The following RCAN2 variants were observed in gnomAD, a reference collection of about 807,000 sequenced individuals.
RCAN2 encodes the protein calcipressin-2.
RCAN2 carries 9 observed loss-of-function variants against 23.6 expected under a neutral mutation model. The ratio of observed to expected loss-of-function variants is 0.38; its 90% confidence interval spans 0.23 to 0.67. RCAN2 has a LOEUF of 0.67. Among genes scored for constraint, RCAN2 ranks in the 30% least tolerant of loss-of-function variants. The probability of loss-of-function intolerance (pLI) is 0.51; values close to 1 mark genes in which losing one functional copy is unlikely to be tolerated. For synonymous variants in RCAN2, 109 were observed against 115.7 expected (o/e 0.94, Z 0.37); for missense variants, 273 against 302.3 (o/e 0.90, Z 0.72).
At chr6:46,339,394 T>C (rs1481178275) in intron 2 of RCAN2, among the ~76,000 whole-genome samples, 1 of 151,880 alleles carries the variant, frequency 6.6e-6, no homozygotes, top group East Asian at 1.9e-4. Flanking sequence ...GAGAGGTAAG[T>C]GGTTTTTTAG....
intron 4 of RCAN2, among the ~76,000 whole-genome samples, chr6:46,223,880 C>T (rs1765562359): frequency 6.6e-6 from 1 of 152,172 alleles, no homozygotes; most frequent in Admixed American, 6.5e-5. Flanking sequence ...TTGACTGGCT[C>T]ATATTACAGT....
intron 2 of RCAN2, among the ~76,000 whole-genome samples, chr6:46,370,797 C>A (rs1265700328): frequency 1.3e-5 from 2 of 152,220 alleles, no homozygotes; most frequent in Non-Finnish European, 2.9e-5. Flanking sequence ...GATGTCCTGA[C>A]CTTTCACCTT....
chr6:46,315,926 TTTGGAAGAGA>T (rs1763420769), intron 2 of RCAN2, among the ~76,000 whole-genome samples: 1 of 150,448 alleles, frequency 6.6e-6, no homozygotes. Flanking sequence ...AGAAAAGAGG[TTTGGAAGAGA>T]CAAGAAAAGA....
intron 2 of RCAN2, among the ~76,000 whole-genome samples, chr6:46,376,839 T>C (rs1254937831): frequency 6.6e-6 from 1 of 152,116 alleles, no homozygotes; most frequent in Admixed American, 6.5e-5. Context: ...GGCAAAGTTT[T>C]GTTTCAGTTT....
At chr6:46,399,687 T>A (rs936431626) in intron 2 of RCAN2, among the ~76,000 whole-genome samples, 2 of 151,964 alleles carry the variant, frequency 1.3e-5, no homozygotes, top group Admixed American at 6.5e-5. Flanking sequence ...GGCTTCTAGA[T>A]GAGTTACTCC....
intron 2 of RCAN2, among the ~76,000 whole-genome samples, chr6:46,405,090 G>A (rs1033848666): frequency 7.2e-5 from 11 of 152,220 alleles, no homozygotes; most frequent in Admixed American, 5.9e-4. Flanking sequence ...CTTCAAGAAT[G>A]AAGCCGCGGA....
intron 4 of RCAN2, among the ~76,000 whole-genome samples, chr6:46,234,562 A>G (rs1298768381): frequency 1.3e-5 from 2 of 152,204 alleles, no homozygotes; most frequent in African/African-American, 4.8e-5. Flanking sequence ...AGACAAGCAG[A>G]GGGTTGACCC....
At chr6:46,482,169 C>A (rs1366056897) in intron 1 of RCAN2, among the ~76,000 whole-genome samples, 1 of 151,872 alleles carries the variant, frequency 6.6e-6, no homozygotes, top group Admixed American at 6.6e-5. Flanking sequence ...GATAAAGAAC[C>A]AAGGTTAGAT....
In RCAN2 at chr6:46,487,000, A is replaced by G. The variant is rs114105947; in HGVS notation, c.-3+4173T>C. Among the ~76,000 whole-genome samples the G allele has an allele frequency of 4.1e-3, 627 of 152,334 alleles. 4 individuals are homozygous for G. Among genetic ancestry groups the G allele is most frequent in the African/African-American group, 0.014 (591 of 41,582 alleles). On this transcript the variant is annotated intron_variant, in intron 1 of 4. Coordinates refer to ENST00000371374, the MANE Select transcript of RCAN2 (RefSeq NM_001251974.2). ...ACAATATATGACACCTAGAGTTGGTAACAAGTGAAAAGACACAAGAACAGT... is the reference window on the plus strand; with the variant it reads ...ACAATATATGACACCTAGAGTTGGTGACAAGTGAAAAGACACAAGAACAGT...
chr6:46,317,656 G>C (rs959459902), intron 2 of RCAN2, among the ~76,000 whole-genome samples: 1 of 151,904 alleles, frequency 6.6e-6, no homozygotes, highest in South Asian at 2.1e-4. Context: ...TAGTAGAGAC[G>C]GGGTTTCACC....
chr6:46,336,141 C>G (rs1000491523), intron 2 of RCAN2, among the ~76,000 whole-genome samples: 2 of 152,190 alleles, frequency 1.3e-5, no homozygotes, highest in African/African-American at 4.8e-5. Flanking sequence ...TGTGAAGACA[C>G]AGTTGGAAAG....
chr6:46,295,644 A>G (rs1762702904), intron 2 of RCAN2, among the ~76,000 whole-genome samples: 1 of 152,106 alleles, frequency 6.6e-6, no homozygotes, highest in Non-Finnish European at 1.5e-5. Flanking sequence ...GCAAGGAGAG[A>G]TGACAAATCT....
intron 2 of RCAN2, among the ~76,000 whole-genome samples, chr6:46,289,997 A>T (rs189977439): frequency 6.6e-6 from 1 of 152,330 alleles, no homozygotes; most frequent in East Asian, 1.9e-4. Flanking sequence ...AAATAGAGAC[A>T]AGTGAAGCAG....
intron 2 of RCAN2, among the ~76,000 whole-genome samples, chr6:46,281,353 A>G (rs1462497717): frequency 6.6e-6 from 1 of 152,228 alleles, no homozygotes; most frequent in Non-Finnish European, 1.5e-5. Flanking sequence ...TGGTTTGCTC[A>G]TCAGAACCAC....
chr6:46,482,740 G>C lies in RCAN2; in HGVS notation c.-3+8433C>G, dbSNP rs111642769. Among the ~76,000 whole-genome samples, 1,086 of 152,272 alleles carry C rather than the reference G, an allele frequency of 7.1e-3. 12 individuals are homozygous for C. The highest frequency in any genetic ancestry group is 0.025 in the African/African-American group (1,037 of 41,548). The stretch of plus-strand genomic sequence containing the variant: ...GCTTGAACTGTAAGCCAATAGCCAG[G>C]AGAGGTTGTGAGGACATCATAATGG... On this transcript the variant is annotated intron_variant, in intron 1 of 4. Coordinates refer to ENST00000371374, the MANE Select transcript of RCAN2 (RefSeq NM_001251974.2).
At chr6:46,333,069 G>A (rs1414358271) in intron 2 of RCAN2, among the ~76,000 whole-genome samples, 2 of 152,146 alleles carry the variant, frequency 1.3e-5, no homozygotes, top group Admixed American at 6.5e-5. Context: ...GTGATGATGA[G>A]CATTTTTTCA....
chr6:46,459,855 G>A (rs1222515945), intron 1 of RCAN2, among the ~76,000 whole-genome samples: 2 of 152,038 alleles, frequency 1.3e-5, no homozygotes, highest in African/African-American at 4.8e-5. Flanking sequence ...TTGCAATACT[G>A]TAATATACAG....
At chr6:46,468,643 C>T (rs1354653970) in intron 1 of RCAN2, among the ~76,000 whole-genome samples, 11 of 152,212 alleles carry the variant, frequency 7.2e-5, no homozygotes, top group Admixed American at 5.9e-4. Flanking sequence ...GTTGAGCATA[C>T]TTGCTTCTTC....
At chr6:46,412,275 C>T (rs958438877) in intron 2 of RCAN2, among the ~76,000 whole-genome samples, 1 of 152,106 alleles carries the variant, frequency 6.6e-6, no homozygotes, top group Non-Finnish European at 1.5e-5. Context: ...GTGAGGAAAA[C>T]GAGCTTTCTG....
Sources: gnomAD v4.1 joint callset for allele counts (sites outside exome capture counted in the v4.1 genomes callset) on GRCh38, gnomAD v4.1.1 for gene constraint, MANE v1.5 for transcripts, NCBI Gene and HGNC (gene_info 2026-07-23, HGNC 2026-07-21) for gene names.